The following RBFOX3 variants were observed in gnomAD, a reference collection of about 807,000 sequenced individuals.
The protein encoded by RBFOX3 is RNA binding fox-1 homolog 3, also known as RNA binding protein fox-1 homolog 3.
Under a neutral mutation model 48.7 loss-of-function variants are expected in RBFOX3, and 17 were observed. The observed-to-expected ratio is 0.35, with a 90% CI of 0.24 to 0.52. The LOEUF is 0.52. Ranked by LOEUF, RBFOX3 falls within the 20% of genes least tolerant of loss-of-function variation. The pLI is 0.94. For synonymous variants in RBFOX3, 212 were observed against 209.5 expected (o/e 1.01, Z -0.10); for missense variants, 382 against 497.5 (o/e 0.77, Z 2.21).
intron 4 of RBFOX3, among the ~76,000 whole-genome samples, chr17:79,206,108 C>G (rs980294967): frequency 2.0e-5 from 3 of 152,120 alleles, no homozygotes; most frequent in African/African-American, 7.2e-5. Flanking sequence ...TAAAGCCTAG[C>G]AAGAAGGTCT....
chr17:79,511,983 T>C (rs2084344910), intron 1 of RBFOX3, among the ~76,000 whole-genome samples: 1 of 145,530 alleles, frequency 6.9e-6, no homozygotes, highest in African/African-American at 2.6e-5. Context: ...GGATACATGT[T>C]ACCATCGGGT....
chr17:79,524,863 T>C (rs1234533925), intron 1 of RBFOX3, among the ~76,000 whole-genome samples: 1 of 152,150 alleles, frequency 6.6e-6, no homozygotes, highest in African/African-American at 2.4e-5. Flanking sequence ...AGCCCCAGTT[T>C]GCATAGTGCC....
Position 79,094,548 on chromosome 17 carries a change from G to T in RBFOX3, c.999-19C>A. On this transcript the variant is annotated intron_variant, in intron 13 of 14. Transcript: ENST00000693108. ...GCCGTAACTAGGGAAGAGCGTGGGA[G>T]GGGGAGTGGGAGGAGGGTGGGGGAG... The T allele has an allele frequency of 8.1e-7, 1 of 1,240,816 alleles. No homozygotes were observed. Among genetic ancestry groups the T allele is most frequent in the Non-Finnish European group, 1.1e-6 (1 of 937,548 alleles). 76.9% of individuals were successfully genotyped at this position (1,240,816 alleles called of 1,614,324 possible).
At chr17:79,487,317 G>A (rs1276633099) in intron 1 of RBFOX3, among the ~76,000 whole-genome samples, 4 of 152,220 alleles carry the variant, frequency 2.6e-5, no homozygotes, top group African/African-American at 7.2e-5. Flanking sequence ...ACCTGCCCTG[G>A]CTGGCCCCGA....
chr17:79,097,453 TGA>T (rs2146315156), intron 10 of RBFOX3, 29 bp from the exon 11 acceptor site: 1 of 1,524,160 alleles, frequency 6.6e-7, no homozygotes, highest in South Asian at 1.2e-5. Context: ...GAGACACGTG[TGA>T]GAGGCACAAG....
chr17:79,395,793 G>A (rs1204175393), intron 2 of RBFOX3, among the ~76,000 whole-genome samples: 2 of 152,234 alleles, frequency 1.3e-5, no homozygotes, highest in Non-Finnish European at 2.9e-5. Flanking sequence ...CATCACGTCA[G>A]CCCTGGATTG....
chr17:79,208,242 C>G (rs943053997), intron 4 of RBFOX3, among the ~76,000 whole-genome samples: 3 of 152,364 alleles, frequency 2.0e-5, no homozygotes, highest in African/African-American at 4.8e-5. Flanking sequence ...GATTCAGGCA[C>G]AGAACCAAGA....
intron 1 of RBFOX3, among the ~76,000 whole-genome samples, chr17:79,549,562 G>A (rs1555792986): frequency 6.6e-6 from 1 of 152,266 alleles, no homozygotes; most frequent in Admixed American, 6.5e-5. Flanking sequence ...GTGTCAAAGT[G>A]GGGTGGTGAT....
At chr17:79,393,963 C>T (rs1028410996) in intron 2 of RBFOX3, among the ~76,000 whole-genome samples, 5 of 150,494 alleles carry the variant, frequency 3.3e-5, no homozygotes, top group African/African-American at 7.4e-5. Flanking sequence ...CCGGTCACCA[C>T]GCACATCGTC....
At position 79,361,437 on chromosome 17, in the gene RBFOX3, C is replaced by T. The variant is rs185766047; in HGVS notation, c.-174-53613G>A. 2.7e-4 allele frequency among the ~76,000 whole-genome samples: 41 copies of T among 152,294 alleles called. No individual in the cohort carries two copies. The highest frequency in any genetic ancestry group is 3.8e-4 in the Non-Finnish European group (26 of 68,028). ...CTCTCAGATGCTGGGAGGACCCTCA[C>T]GGTGGCCCTTGGTTACTGGAGTCAC... On this transcript the variant is annotated intron_variant, in intron 2 of 14. Transcript: ENST00000693108. The surrounding 1 kb of genome is among the most constrained non-coding windows in gnomAD (Gnocchi z 4.5).
intron 2 of RBFOX3, among the ~76,000 whole-genome samples, chr17:79,367,748 C>T (rs190539054): frequency 7.3e-4 from 111 of 152,168 alleles, no homozygotes; most frequent in African/African-American, 2.4e-3. Flanking sequence ...GTGGGCCGGA[C>T]AGGCAGCTCT....
intron 2 of RBFOX3, among the ~76,000 whole-genome samples, chr17:79,460,474 T>C (rs9902436): frequency 0.56 from 85,133 of 152,026 alleles, 24,025 homozygotes; most frequent in Middle Eastern, 0.61. Flanking sequence ...CTCGCAGGAC[T>C]GTGCCAGCTA....
At chr17:79,660,060 G>A in the RBFOX3 span, among the ~76,000 whole-genome samples, 16 of 152,204 alleles carry the variant, frequency 1.1e-4, no homozygotes, top group South Asian at 1.7e-3. Context: ...GGTGGCGGGC[G>A]CCTGTAATCC....
At chr17:79,210,952 G>A (rs1332167998) in intron 4 of RBFOX3, among the ~76,000 whole-genome samples, 2 of 152,190 alleles carry the variant, frequency 1.3e-5, no homozygotes, top group Non-Finnish European at 2.9e-5. Flanking sequence ...ACAGGTGTCC[G>A]CATATAGTTC....
At chr17:79,468,341 T>A (rs1028711814) in intron 2 of RBFOX3, among the ~76,000 whole-genome samples, 2 of 152,036 alleles carry the variant, frequency 1.3e-5, no homozygotes, top group African/African-American at 4.8e-5. Context: ...GACATACAGA[T>A]AGACAGGCAG....
chr17:79,166,966 G>A (rs1235515355), intron 4 of RBFOX3, among the ~76,000 whole-genome samples: 1 of 152,160 alleles, frequency 6.6e-6, no homozygotes, highest in Non-Finnish European at 1.5e-5. Flanking sequence ...CAGACCAGTG[G>A]CCATGCCTCC....
chr17:79,440,472 C>T (rs560673509), intron 2 of RBFOX3, among the ~76,000 whole-genome samples: 7 of 152,242 alleles, frequency 4.6e-5, no homozygotes, highest in African/African-American at 1.4e-4. Context: ...CTGGGCCGGC[C>T]GAAGCCCAGA....
At chr17:79,296,305 C>CACACA (rs1056663675) in intron 3 of RBFOX3, among the ~76,000 whole-genome samples, 27 of 130,504 alleles carry the variant, frequency 2.1e-4, no homozygotes, top group African/African-American at 6.4e-4. Flanking sequence ...CACACACACA[C>CACACA]CACACACACA....
At chr17:79,153,686 A>T (rs2045107763) in intron 4 of RBFOX3, among the ~76,000 whole-genome samples, 1 of 152,226 alleles carries the variant, frequency 6.6e-6, no homozygotes. Context: ...ACACACAGGA[A>T]AAGAAACCAG....
Sources: allele counts gnomAD v4.1 joint callset (sites outside exome capture counted in the v4.1 genomes callset), GRCh38; gene constraint gnomAD v4.1.1; non-coding constraint Gnocchi (gnomAD v3.1); transcripts MANE v1.5; gene names NCBI Gene and HGNC (gene_info 2026-07-23, HGNC 2026-07-21).